Variants in KLF12 observed in about 807,000 individuals in gnomAD.
KLF12 encodes Krueppel-like factor 12.
KLF12 carries 9 observed loss-of-function variants against 37.8 expected under a neutral mutation model. The ratio of observed to expected loss-of-function variants is 0.24; its 90% CI spans 0.14 to 0.42. The LOEUF (loss-of-function observed/expected upper bound fraction) is 0.42, where lower values mean the gene tolerates loss of function less well. Ranked by LOEUF, KLF12 falls within the 10% of genes least tolerant of loss-of-function variation. The probability of loss-of-function intolerance (pLI) is 1.00; values close to 1 mark genes in which losing one functional copy is unlikely to be tolerated. For synonymous variants in KLF12, 208 were observed against 202.1 expected, an observed-to-expected ratio of 1.03 and a Z score of -0.25; for missense variants, 411 against 516.0, an observed-to-expected ratio of 0.80 and a Z score of 1.97.
chr13:73,793,942 G>T (rs182766207), intron 5 of KLF12, among the ~76,000 whole-genome samples: 173 of 152,218 alleles, frequency 1.1e-3, no homozygotes, highest in African/African-American at 3.8e-3. Flanking sequence ...GGAGGGCTCA[G>T]GTTTTTCAAG....
At position 73,813,133 on chromosome 13, in the gene KLF12, C is replaced by T; in HGVS notation, c.806+19G>A. The T allele has an allele frequency of 6.2e-7, 1 of 1,611,468 alleles. No individual in the cohort carries two copies. Among genetic ancestry groups the T allele is most frequent in the South Asian group, 1.1e-5 (1 of 90,844 alleles). ...ACACCTTGGCAATTCTTAATTCATCCTGTGAATGTGATACTTACTCTTGTA... is the reference window on the plus strand; with the variant it reads ...ACACCTTGGCAATTCTTAATTCATCTTGTGAATGTGATACTTACTCTTGTA... On this transcript the variant is annotated intron_variant, in intron 5 of 7. Coordinates refer to ENST00000377669, the MANE Select transcript of KLF12 (RefSeq NM_007249.5).
At chr13:73,842,126 G>T (rs4142838) in intron 4 of KLF12, among the ~76,000 whole-genome samples, 97,745 of 151,868 alleles carry the variant, frequency 0.64, 32,319 homozygotes, top group Non-Finnish European at 0.73. Context: ...AAAAATCTTT[G>T]CATGCCATTC....
the KLF12 span, among the ~76,000 whole-genome samples, chr13:74,284,755 C>T: frequency 2.0e-5 from 3 of 152,196 alleles, no homozygotes; most frequent in East Asian, 1.9e-4. Flanking sequence ...GGAGGACATG[C>T]GAGAGGGATT....
chr13:74,258,136 G>A, the KLF12 span: 1 of 150,840 alleles, frequency 6.6e-6, no homozygotes, highest in Non-Finnish European at 1.5e-5. Context: ...CCTTCAAAGT[G>A]GTTCATCTTG....
intron 1 of KLF12, among the ~76,000 whole-genome samples, chr13:74,022,984 G>T (rs1045939486): frequency 6.6e-6 from 1 of 150,828 alleles, no homozygotes; most frequent in African/African-American, 2.4e-5. Context: ...TGGGGCTCAC[G>T]CATCAGTAAG....
intron 6 of KLF12, among the ~76,000 whole-genome samples, chr13:73,718,882 A>T (rs1253045041): frequency 1.3e-5 from 2 of 152,198 alleles, no homozygotes; most frequent in African/African-American, 2.4e-5. Context: ...TGAAAGAGCG[A>T]GACCTGTCTC....
chr13:73,758,321 A>C (rs1879317783), intron 6 of KLF12, among the ~76,000 whole-genome samples: 1 of 152,208 alleles, frequency 6.6e-6, no homozygotes, highest in South Asian at 2.1e-4. Context: ...GCTAGAGTAA[A>C]TCATGATTTC....
chr13:74,179,796 T>C, the KLF12 span, among the ~76,000 whole-genome samples: 1 of 152,190 alleles, frequency 6.6e-6, no homozygotes, highest in Non-Finnish European at 1.5e-5. Context: ...TCTAAATTGC[T>C]TTAATATGTC....
the KLF12 span, among the ~76,000 whole-genome samples, chr13:74,147,691 A>G: frequency 2.6e-5 from 4 of 152,044 alleles, no homozygotes; most frequent in African/African-American, 9.7e-5. Context: ...CTTGTCTCCT[A>G]TGCTTGCTTC....
intron 6 of KLF12, among the ~76,000 whole-genome samples, chr13:73,726,376 TTCTA>T (rs1480554064): frequency 9.2e-5 from 14 of 152,204 alleles, no homozygotes; most frequent in Non-Finnish European, 1.0e-4. Context: ...CAATCATTAC[TTCTA>T]TCTGACTCCA....
chr13:73,796,684 T>C (rs889209565), intron 5 of KLF12, among the ~76,000 whole-genome samples: 1 of 152,146 alleles, frequency 6.6e-6, no homozygotes, highest in African/African-American at 2.4e-5. Context: ...TAAACACGCA[T>C]CTACCTTTGA....
At chr13:73,797,030 T>C (rs1422174238) in intron 5 of KLF12, among the ~76,000 whole-genome samples, 1 of 152,212 alleles carries the variant, frequency 6.6e-6, no homozygotes, top group Non-Finnish European at 1.5e-5. Context: ...AGTGCATTTA[T>C]TGGACAGGGA....
At chr13:74,101,962 G>A (rs967177973) in intron 1 of KLF12, among the ~76,000 whole-genome samples, 1 of 152,120 alleles carries the variant, frequency 6.6e-6, no homozygotes, top group Admixed American at 6.5e-5. Context: ...GCTCACACCT[G>A]TAATCCCAGC....
In KLF12 at chr13:73,942,246, T is replaced by C. The variant is rs573347806; in HGVS notation, c.123+1735A>G. Among the ~76,000 whole-genome samples the C allele has an allele frequency of 3.3e-5, 5 of 152,306 alleles. No homozygotes were observed. In the South Asian group the frequency reaches 6.2e-4, roughly 19 times the overall value. On this transcript the variant is annotated intron_variant, in intron 3 of 7. Transcript: ENST00000377669. ...GGCTAAGTTTCTGACTGGTTTGCTATAGTTTTTGCCTTCCTCCAACATGCA... is the reference window on the plus strand; with the variant it reads ...GGCTAAGTTTCTGACTGGTTTGCTACAGTTTTTGCCTTCCTCCAACATGCA...
intron 1 of KLF12, among the ~76,000 whole-genome samples, chr13:74,043,931 C>T (rs1414697919): frequency 1.3e-5 from 2 of 152,090 alleles, no homozygotes. Context: ...TTATTGCTAC[C>T]AACAATATAC....
intron 5 of KLF12, chr13:73,802,077 C>CCTT (rs1882307517): frequency 6.6e-6 from 1 of 151,908 alleles, no homozygotes; most frequent in South Asian, 2.1e-4. Flanking sequence ...TATCAGAAGA[C>CCTT]ATTCGATTTA....
At chr13:74,292,008 A>G in the KLF12 span, among the ~76,000 whole-genome samples, 10 of 152,228 alleles carry the variant, frequency 6.6e-5, no homozygotes, top group Non-Finnish European at 1.5e-4. Flanking sequence ...TAGACATTGG[A>G]CATTCAACGA....
rs575658503 is a variant in KLF12, at chr13:73,765,092, T to G, written c.807-92A>C. 8.3e-6 allele frequency: 6 copies of G among 724,134 alleles called. No homozygotes were observed. In the Admixed American group the frequency reaches 1.3e-4, roughly 16 times the overall value. The allele number at this position is 724,134 out of a possible 1,614,324, so 44.9% of individuals were successfully genotyped here. A position where few individuals can be genotyped will look rare whatever the true frequency, so the allele number is the denominator to read the frequency against. On this transcript the variant is annotated intron_variant, in intron 5 of 7. Transcript: ENST00000377669. ...GGCATGTTTTATAAATAATTTCTTT[T>G]AGAATTGCTTAATACAAAATCCCCA...
At chr13:74,005,800 C>T (rs1340916236) in intron 1 of KLF12, among the ~76,000 whole-genome samples, 1 of 152,182 alleles carries the variant, frequency 6.6e-6, no homozygotes. Context: ...TCCTTCATCA[C>T]GGACGGTTGC....
Sources: gnomAD v4.1 joint callset for allele counts (sites outside exome capture counted in the v4.1 genomes callset) on GRCh38, gnomAD v4.1.1 for gene constraint, MANE v1.5 for transcripts, NCBI Gene and HGNC (gene_info 2026-07-23, HGNC 2026-07-21) for gene names.